The following MTA2 variants were observed in gnomAD, a reference collection of about 807,000 sequenced individuals.
MTA2 encodes the protein metastasis associated 1 family member 2.
Under a neutral mutation model 87.1 loss-of-function variants are expected in MTA2, and 22 were observed. The ratio of observed to expected loss-of-function variants is 0.25; its 90% CI spans 0.18 to 0.36. The LOEUF (loss-of-function observed/expected upper bound fraction) is 0.36. Among genes scored for constraint, MTA2 ranks in the 10% least tolerant of loss-of-function variants. The probability of loss-of-function intolerance (pLI) is 1.00; values close to 1 mark genes in which losing one functional copy is unlikely to be tolerated. For missense variants in MTA2, 542 were observed against 853.2 expected (o/e 0.64, Z 4.54); for synonymous variants, 314 against 310.1 (o/e 1.01, Z -0.13).
intron 16 of MTA2, 34 bp from the exon 17 acceptor site, chr11:62,594,441 G>T: frequency 6.2e-7 from 1 of 1,613,920 alleles, no homozygotes; most frequent in Non-Finnish European, 8.5e-7. Flanking sequence ...AATGAGGGAA[G>T]GGACCCTCTC....
In MTA2 at chr11:62,598,092, A is replaced by T; in HGVS notation, c.422T>A (p.Leu141His). ...AACTCTAATCTCGCCCTGATCAGCG[A>T]GAAGTGTCTTCTGCACGGGGTCAAA... ...LVFDPVQKTL[L>H]ADQGEIRVGC... The change falls in exon 6 of 18, where the codon CTC becomes CAC. Residue 141 changes from leucine (L) to histidine (H), a missense_variant. Physicochemically the swap from Leu to His is moderately conservative, Grantham distance 99. Around this residue, in one of 6 missense-constraint regions of MTA2, gnomAD observed 150 missense variants for 243.9 expected, o/e 0.62. Transcript: ENST00000278823. 3 of 1,614,122 alleles carry T rather than the reference A, an allele frequency of 1.9e-6. No individual in the cohort carries two copies. The highest frequency in any genetic ancestry group is 1.7e-6 in the Non-Finnish European group (2 of 1,180,040).
intron 2 of MTA2, 95 bp downstream of exon 2, chr11:62,600,527 G>T: frequency 8.7e-7 from 1 of 1,147,436 alleles, no homozygotes; most frequent in South Asian, 1.4e-5. Flanking sequence ...GAATATGAAT[G>T]GGTACTTAGT....
Position 62,595,716 on chromosome 11 carries a change from C to G in MTA2, c.1254+36G>C. ...CCTAAGCTCACCATCAATATGCTTACTGCTCTCCCCTGCTTTTCTTCCCAC... is the reference window on the plus strand; with the variant it reads ...CCTAAGCTCACCATCAATATGCTTAGTGCTCTCCCCTGCTTTTCTTCCCAC... On this transcript the variant is annotated intron_variant, in intron 13 of 17. Coordinates refer to ENST00000278823, the MANE Select transcript of MTA2 (RefSeq NM_004739.4). This position sits in a 1 kb window ranked among gnomAD's most constrained non-coding sequence, Gnocchi z 4.9. The G allele has an allele frequency of 1.2e-6, 2 of 1,611,008 alleles. No homozygotes were observed. The highest frequency in any genetic ancestry group is 1.7e-6 in the Non-Finnish European group (2 of 1,178,174).
rs1942202315 is a variant in MTA2 at position 62,601,577 on chromosome 11, C to G, written c.-127G>C. The G allele has an allele frequency of 9.1e-7, 1 of 1,104,354 alleles. No individual in the cohort carries two copies. The highest frequency in any genetic ancestry group is 1.7e-5 in the African/African-American group (1 of 60,464). 68.4% of individuals were successfully genotyped at this position (1,104,354 alleles called of 1,614,324 possible). A position where few individuals can be genotyped will look rare whatever the true frequency, so the allele number is the denominator to read the frequency against. On this transcript the variant is annotated 5_prime_UTR_variant, in exon 1 of 18. Coordinates refer to ENST00000278823, the MANE Select transcript of MTA2 (RefSeq NM_004739.4). ...CGAGGGAGTCTCACTGGGGCCCGCG[C>G]AGCCGGCACCTCCGCTGCCTCAGCC...
intron 15 of MTA2, 84 bp downstream of exon 15, chr11:62,594,897 G>C: frequency 7.9e-7 from 1 of 1,263,662 alleles, no homozygotes. Flanking sequence ...GACACTATGA[G>C]GAAGAAAAAA....
intron 5 of MTA2, 26 bp downstream of exon 5, chr11:62,598,301 C>T (rs1942126895): frequency 6.2e-7 from 1 of 1,611,706 alleles, no homozygotes; most frequent in African/African-American, 1.3e-5. Context: ...ATTCCCCTCG[C>T]TCTTCTCTCA....
In MTA2 at chr11:62,598,062, C is replaced by T; in HGVS notation, c.452G>A (p.Cys151Tyr). The change falls in exon 6 of 18, where the codon TGC becomes TAC. Residue 151 changes from cysteine (C) to tyrosine (Y), a missense_variant. Physicochemically the swap from Cys to Tyr is radical, Grantham distance 194. Around this residue, in one of 6 missense-constraint regions of MTA2, gnomAD observed 150 missense variants for 243.9 expected, o/e 0.62. Coordinates refer to ENST00000278823, the MANE Select transcript of MTA2 (RefSeq NM_004739.4). Reference sequence around the variant, plus strand: ...ATCTGGGATCTCAGCTTGGTATTTGCAACCAACTCTAATCTCGCCCTGATC... The same window carrying T: ...ATCTGGGATCTCAGCTTGGTATTTGTAACCAACTCTAATCTCGCCCTGATC... Reference protein sequence around the residue: ...LADQGEIRVGCKYQAEIPDRL... With the variant: ...LADQGEIRVGYKYQAEIPDRL... 3 of 1,614,078 alleles carry T rather than the reference C, an allele frequency of 1.9e-6. No homozygotes were observed. Among genetic ancestry groups the T allele is most frequent in the Non-Finnish European group, 2.5e-6 (3 of 1,180,020 alleles).
intron 5 of MTA2, 28 bp downstream of exon 5, chr11:62,598,299 C>T (rs756835416): frequency 1.9e-6 from 3 of 1,610,702 alleles, no homozygotes; most frequent in African/African-American, 2.7e-5. Flanking sequence ...CCATTCCCCT[C>T]GCTCTTCTCT....
At chr11:62,598,494 G>C in intron 4 of MTA2, 28 bp downstream of exon 4, 1 of 1,610,004 alleles carries the variant, frequency 6.2e-7, no homozygotes, top group Non-Finnish European at 8.5e-7. Context: ...AGTGCACGCA[G>C]GCTATGCTGG....
At chr11:62,597,888 T>C in intron 6 of MTA2, 136 bp downstream of exon 6, 1 of 1,009,930 alleles carries the variant, frequency 9.9e-7, no homozygotes, top group Non-Finnish European at 1.5e-6. Flanking sequence ...GCCCATTCTG[T>C]CAGGGTCATG....
At chr11:62,601,351 G>A (rs1214635506) in intron 1 of MTA2, 72 bp downstream of exon 1, 7 of 1,565,358 alleles carry the variant, frequency 4.5e-6, no homozygotes, top group Non-Finnish European at 6.1e-6. Flanking sequence ...GCGCCACCCG[G>A]TGCCGAGCCC....
rs1377836372 is a variant in MTA2 at position 62,595,106 on chromosome 11, A to C, written c.1484-36T>G. The C allele has an allele frequency of 6.2e-7, 1 of 1,600,976 alleles. No individual in the cohort carries two copies. Among genetic ancestry groups the C allele is most frequent in the Admixed American group, 1.7e-5 (1 of 59,372 alleles). On this transcript the variant is annotated intron_variant, in intron 14 of 17. Transcript: ENST00000278823. The surrounding 1 kb of genome is among the most constrained non-coding windows in gnomAD (Gnocchi z 4.9). ...AAGAAGAAAGCTTCTGAAGGGCTTC[A>C]CCATTCAGGTCTCCTCTAAGGCCAG...
chr11:62,596,407 G>A, intron 10 of MTA2, 51 bp downstream of exon 10: 1 of 1,612,406 alleles, frequency 6.2e-7, no homozygotes, highest in South Asian at 1.1e-5. Context: ...AACTTCAAAG[G>A]CAGAGGTCAG....
intron 3 of MTA2, chr11:62,599,438 G>A (rs1015696760): frequency 6.6e-6 from 1 of 152,154 alleles, no homozygotes; most frequent in African/African-American, 2.4e-5. Flanking sequence ...GATGGGGCTG[G>A]AAACCCTAAA....
intron 8 of MTA2, 83 bp downstream of exon 8, chr11:62,597,233 G>C: frequency 1.1e-6 from 1 of 925,792 alleles, no homozygotes; most frequent in Non-Finnish European, 1.7e-6. Flanking sequence ...CACTCCCTCA[G>C]AGATACCCTC....
In MTA2 at chr11:62,595,499, G is replaced by A. The variant is rs199815616; in HGVS notation, c.1255-7C>T. 45 of 1,613,630 alleles carry A rather than the reference G, an allele frequency of 2.8e-5. No homozygotes were observed. The African/African-American group carries it at 4.4e-4, about 16-fold the overall frequency. On this transcript the variant is annotated splice_region_variant and splice_polypyrimidine_tract_variant and intron_variant, in intron 13 of 17. Coordinates refer to ENST00000278823, the MANE Select transcript of MTA2 (RefSeq NM_004739.4). The surrounding 1 kb of genome is among the most constrained non-coding windows in gnomAD (Gnocchi z 4.9). ...GACCCCTTGAGTGTGGCTCCTAGAA[G>A]AAGAGCATAGGAAAGAGAGAGAGCA...
chr11:62,597,265 C>T (rs1942111939), intron 8 of MTA2, 51 bp downstream of exon 8: 4 of 1,309,694 alleles, frequency 3.1e-6, no homozygotes, highest in South Asian at 2.6e-5. Context: ...CCAGGCTCTG[C>T]AAGTCCCCAG....
Position 62,593,242 on chromosome 11 carries a change from A to G in MTA2, c.*633T>C, listed in dbSNP as rs1213574320. 6.6e-6 allele frequency: 1 copy of G among 152,214 alleles called. No homozygotes were observed. The highest frequency in any genetic ancestry group is 2.4e-5 in the African/African-American group (1 of 41,390). The allele number at this position is 152,214 out of a possible 1,614,324, so 9.4% of individuals were successfully genotyped here. A position where few individuals can be genotyped will look rare whatever the true frequency, so the allele number is the denominator to read the frequency against. ...AGAAAACAGCTTTTTATTTGTTACT[A>G]TAAGAACCAATTACAGAATCCGAGG... On this transcript the variant is annotated 3_prime_UTR_variant, in exon 18 of 18. Transcript: ENST00000278823.
chr11:62,601,805 CCGCCTCAGGGTT>C lies in MTA2; in HGVS notation c.-367_-356del. 2.0e-6 allele frequency: 1 copy of C among 503,354 alleles called. No homozygotes were observed. The allele number at this position is 503,354 out of a possible 1,614,324, so 31.2% of individuals were successfully genotyped here. The stretch of plus-strand genomic sequence containing the variant: ...CGGCCGCAGGGAAGGCTTGCCGGGC[CCGCCTCAGGGTT>C]CGCCTCCTTCCGGAACACCTTCGGC... On this transcript the variant is annotated 5_prime_UTR_variant, in exon 1 of 18. Coordinates refer to ENST00000278823, the MANE Select transcript of MTA2 (RefSeq NM_004739.4).
Sources: gnomAD v4.1 joint callset for allele counts on GRCh38, gnomAD v4.1.1 for gene constraint, gnomAD v4.1.1 regional missense constraint, Gnocchi (gnomAD v3.1) non-coding constraint, MANE v1.5 for transcripts, NCBI Gene and HGNC (gene_info 2026-07-23, HGNC 2026-07-21) for gene names.